The following GBE1 variants were observed in gnomAD, a reference collection of about 807,000 sequenced individuals.
GBE1 encodes 1,4-alpha-glucan-branching enzyme.
GBE1 carries 70 observed loss-of-function variants against 88.8 expected under a neutral mutation model. That is an observed-to-expected ratio of 0.79 (90% CI 0.65 to 0.96). The LOEUF (loss-of-function observed/expected upper bound fraction) is 0.96, where lower values mean the gene tolerates loss of function less well. GBE1 is among the 40% of genes least tolerant of loss of function. The pLI, the probability that GBE1 is intolerant of heterozygous loss-of-function variation, is 0.00. For missense variants in GBE1, 872 were observed against 871.0 expected, an observed-to-expected ratio of 1.00 and a Z score of -0.01; for synonymous variants, 284 against 300.1, an observed-to-expected ratio of 0.95 and a Z score of 0.56.
chr3:81,675,484 C>T (rs371069442), intron 2 of GBE1, among the ~76,000 whole-genome samples: 5 of 151,940 alleles, frequency 3.3e-5, no homozygotes, highest in Admixed American at 2.0e-4. Context: ...AGACAACATG[C>T]GTTAAAACCA....
At chr3:81,498,407 A>C (rs1293635985) in intron 15 of GBE1, among the ~76,000 whole-genome samples, 1 of 152,154 alleles carries the variant, frequency 6.6e-6, no homozygotes, top group Non-Finnish European at 1.5e-5. Flanking sequence ...GGAATGGTAG[A>C]TGTGGTTTTG....
intron 1 of GBE1, among the ~76,000 whole-genome samples, chr3:81,742,614 A>G (rs1575774211): frequency 6.6e-6 from 1 of 152,176 alleles, no homozygotes; most frequent in Non-Finnish European, 1.5e-5. Flanking sequence ...GTGAAGGTGA[A>G]TGAAGCCAGG....
At chr3:81,613,111 T>C in intron 7 of GBE1, 1 of 521,690 alleles carries the variant, frequency 1.9e-6, no homozygotes, top group East Asian at 7.3e-5. Context: ...CCTTCCTTTT[T>C]TAAAATGTTC....
chr3:81,660,044 T>C (rs1170799267), intron 3 of GBE1, among the ~76,000 whole-genome samples: 2 of 152,176 alleles, frequency 1.3e-5, no homozygotes, highest in East Asian at 1.9e-4. Flanking sequence ...TAGATATGTA[T>C]GTACAATGAT....
At chr3:81,528,806 GCTTT>G (rs1287001618) in intron 14 of GBE1, among the ~76,000 whole-genome samples, 14 of 151,944 alleles carry the variant, frequency 9.2e-5, no homozygotes, top group Admixed American at 4.6e-4. Context: ...GCTGTTTTAT[GCTTT>G]CTGTTTGCAT....
chr3:81,593,901 T>A lies in GBE1; in HGVS notation c.1108+7A>T, dbSNP rs1422282760. 1 of 1,442,510 alleles carries A rather than the reference T, an allele frequency of 6.9e-7. No individual in the cohort carries two copies. The highest frequency in any genetic ancestry group is 9.5e-7 in the Non-Finnish European group (1 of 1,047,394). 89.4% of individuals were successfully genotyped at this position (1,442,510 alleles called of 1,614,324 possible). ...AACCCCAAACCTGATTATATCAGGT[T>A]ACCTACCCACTCCATGGTGATGATA... On this transcript the variant is annotated splice_region_variant and intron_variant, in intron 8 of 15. Coordinates refer to ENST00000429644, the MANE Select transcript of GBE1 (RefSeq NM_000158.4).
At chr3:81,544,955 A>G (rs537622014) in intron 12 of GBE1, among the ~76,000 whole-genome samples, 3 of 152,306 alleles carry the variant, frequency 2.0e-5, no homozygotes, top group African/African-American at 7.2e-5. Flanking sequence ...TAATTAAAGT[A>G]TATCAAAACC....
intron 10 of GBE1, among the ~76,000 whole-genome samples, chr3:81,581,679 A>C (rs982081192): frequency 4.6e-5 from 7 of 152,154 alleles, no homozygotes; most frequent in Non-Finnish European, 1.0e-4. Context: ...TATATGAAAA[A>C]AATTAGTAAA....
chr3:81,599,308 G>C (rs575550084), intron 7 of GBE1, among the ~76,000 whole-genome samples: 32 of 152,084 alleles, frequency 2.1e-4, no homozygotes, highest in Non-Finnish European at 8.8e-5. Flanking sequence ...CATAAAGTGT[G>C]TGTGTGTGCT....
rs537293485 is a variant in GBE1 at position 81,708,568 on chromosome 3, G to C, written c.144-2955C>G. ...AGAAAAGACATTTTTAAATGCTCTT[G>C]GTTGAAATATAAATTAGAAAACAAT... On this transcript the variant is annotated intron_variant, in intron 1 of 15. Coordinates refer to ENST00000429644, the MANE Select transcript of GBE1 (RefSeq NM_000158.4). Among the ~76,000 whole-genome samples, 87 of 152,146 alleles carry C rather than the reference G, an allele frequency of 5.7e-4. 2 individuals are homozygous for C. In the South Asian group the frequency reaches 0.018, roughly 31 times the overall value.
chr3:81,750,542 T>TAC (rs1314983160), intron 1 of GBE1, among the ~76,000 whole-genome samples: 1 of 90,106 alleles, frequency 1.1e-5, no homozygotes, highest in Non-Finnish European at 2.0e-5. Context: ...TATATACGTA[T>TAC]ATATATATGT....
chr3:81,750,550 T>TATAC (rs1553696541), intron 1 of GBE1, among the ~76,000 whole-genome samples: 6 of 82,882 alleles, frequency 7.2e-5, no homozygotes, highest in African/African-American at 3.8e-4. Flanking sequence ...TATATATATA[T>TATAC]GTATATATAT....
intron 1 of GBE1, among the ~76,000 whole-genome samples, chr3:81,756,302 T>C (rs1706600205): frequency 6.6e-6 from 1 of 152,214 alleles, no homozygotes; most frequent in East Asian, 1.9e-4. Context: ...CTCTAGTAAC[T>C]ACTCCTGTTC....
At chr3:81,735,442 G>A in intron 1 of GBE1, among the ~76,000 whole-genome samples, 1 of 152,168 alleles carries the variant, frequency 6.6e-6, no homozygotes. Flanking sequence ...AGGGGTCAAT[G>A]TGAAAATTCT....
intron 7 of GBE1, among the ~76,000 whole-genome samples, chr3:81,594,798 T>C (rs897152484): frequency 2.6e-5 from 4 of 151,990 alleles, no homozygotes; most frequent in African/African-American, 9.7e-5. Context: ...TTTTGGACAG[T>C]TGAAATAAAG....
At chr3:81,510,244 G>T (rs748431008) in intron 14 of GBE1, among the ~76,000 whole-genome samples, 2 of 152,068 alleles carry the variant, frequency 1.3e-5, no homozygotes, top group African/African-American at 4.8e-5. Context: ...GATAAAGCCT[G>T]CAAAGTGCAT....
chr3:81,629,765 T>C (rs1704478988), intron 7 of GBE1, among the ~76,000 whole-genome samples: 1 of 152,152 alleles, frequency 6.6e-6, no homozygotes, highest in Non-Finnish European at 1.5e-5. Context: ...GTGCACAACA[T>C]GCAGGTTTGT....
intron 12 of GBE1, among the ~76,000 whole-genome samples, chr3:81,539,975 A>G (rs1703123750): frequency 6.6e-6 from 1 of 151,898 alleles, no homozygotes; most frequent in East Asian, 1.9e-4. Flanking sequence ...GAGCCACCAG[A>G]GAAAAAACGC....
rs1190543864 is a variant in GBE1, at chr3:81,614,298, A to G, written c.993-20275T>C. ...TATCTCAATCTAATCTAGGGGGGGAAAAAACCCTACCATAATTTCTGAACT... is the reference window on the plus strand; with the variant it reads ...TATCTCAATCTAATCTAGGGGGGGAGAAAACCCTACCATAATTTCTGAACT... On this transcript the variant is annotated intron_variant, in intron 7 of 15. Transcript: ENST00000429644. Among the ~76,000 whole-genome samples, 5 of 152,330 alleles carry G rather than the reference A, an allele frequency of 3.3e-5. No homozygotes were observed. In the East Asian group the frequency reaches 5.8e-4, roughly 18 times the overall value.
Sources: allele counts gnomAD v4.1 joint callset (sites outside exome capture counted in the v4.1 genomes callset), GRCh38; gene constraint gnomAD v4.1.1; transcripts MANE v1.5; gene names NCBI Gene and HGNC (gene_info 2026-07-23, HGNC 2026-07-21).